RYR2: variants seen among roughly 807,000 people sequenced by gnomAD.
The protein encoded by RYR2 is cardiac muscle ryanodine receptor-calcium release channel.
Under a neutral mutation model 601.1 loss-of-function variants are expected in RYR2, and 227 were observed. The observed-to-expected ratio is 0.38, with a 90% CI of 0.34 to 0.42. The LOEUF is 0.42. RYR2 is among the 10% of genes least tolerant of loss of function. RYR2 has a pLI of 1.00. For synonymous variants in RYR2, 2,223 were observed against 2,175.1 expected (o/e 1.02, Z -0.61); for missense variants, 4,646 against 6,156.5 (o/e 0.75, Z 8.21).
At chr1:237,742,659 T>A (rs1691715990) in intron 80 of RYR2, among the ~76,000 whole-genome samples, 1 of 152,188 alleles carries the variant, frequency 6.6e-6, no homozygotes, top group Admixed American at 6.5e-5. Context: ...CCAACAGACG[T>A]GAGGAAAATA....
chr1:237,185,501 C>T (rs1679247250), intron 1 of RYR2, among the ~76,000 whole-genome samples: 1 of 152,074 alleles, frequency 6.6e-6, no homozygotes. Context: ...AGCACCTTCA[C>T]TCCTGGTCAT....
Position 237,633,667 on chromosome 1 carries a change from T to C in RYR2, c.6645T>C (p.Phe2215=). Residue 2215 remains phenylalanine, a synonymous_variant, in exon 43 of 105, where the codon TTT becomes TTC. Transcript: ENST00000366574. Reference sequence around the variant, plus strand: ...GTAGGCAGAATCAAAAAGCTATGTTTGATCATCTCAGTTATTTACTGGAAA... The same window carrying C: ...GTAGGCAGAATCAAAAAGCTATGTTCGATCATCTCAGTTATTTACTGGAAA... ...RISRQNQKAM[F]DHLSYLLENS... is the part of the protein sequence containing the mutation. 6.2e-7 allele frequency: 1 copy of C among 1,613,950 alleles called. No homozygotes were observed. Among genetic ancestry groups the C allele is most frequent in the Non-Finnish European group, 8.5e-7 (1 of 1,179,826 alleles).
chr1:237,816,290 G>A (rs944923359), intron 100 of RYR2, among the ~76,000 whole-genome samples: 1 of 152,156 alleles, frequency 6.6e-6, no homozygotes, highest in African/African-American at 2.4e-5. Context: ...CGTGGGCAAT[G>A]GGAAAGATGG....
chr1:237,424,785 G>T (rs1161629464), intron 12 of RYR2, among the ~76,000 whole-genome samples: 1 of 151,908 alleles, frequency 6.6e-6, no homozygotes, highest in Non-Finnish European at 1.5e-5. Flanking sequence ...TCTTATAATG[G>T]TGTCCTGTCA....
At position 237,596,275 on chromosome 1, in the gene RYR2, A is replaced by C. The variant is rs1432562563; in HGVS notation, c.4596+618A>C. 2.0e-5 allele frequency among the ~76,000 whole-genome samples: 3 copies of C among 152,360 alleles called. No homozygotes were observed. The East Asian group carries it at 5.8e-4, about 29-fold the overall frequency. ...TCTTAAGGGAACTCAGTGAGATACA[A>C]TAAAATGCAGATACTTCAACAAGAT... On this transcript the variant is annotated intron_variant, in intron 34 of 104. Transcript: ENST00000366574.
intron 103 of RYR2, among the ~76,000 whole-genome samples, 191 bp downstream of exon 103, chr1:237,830,821 C>T (rs1011012189): frequency 6.6e-6 from 1 of 152,196 alleles, no homozygotes; most frequent in Non-Finnish European, 1.5e-5. Flanking sequence ...TAAGTTGCAG[C>T]TCTTCATGTA....
At chr1:237,723,042 G>A in intron 73 of RYR2, 86 bp from the exon 74 acceptor site, 1 of 1,173,060 alleles carries the variant, frequency 8.5e-7, no homozygotes. Context: ...AATAAATAAT[G>A]ATGGGTGGAC....
At chr1:237,659,482 G>A (rs1325550273) in intron 54 of RYR2, among the ~76,000 whole-genome samples, 3 of 152,126 alleles carry the variant, frequency 2.0e-5, no homozygotes, top group Non-Finnish European at 4.4e-5. Context: ...GAAAGAATGG[G>A]TAAAACAGGT....
chr1:237,440,641 T>C (rs891106411), intron 12 of RYR2, among the ~76,000 whole-genome samples: 10 of 152,220 alleles, frequency 6.6e-5, no homozygotes, highest in African/African-American at 2.4e-4. Context: ...TGAATACCTC[T>C]GTAGTCTGAG....
At chr1:237,297,460 G>A (rs1371591211) in intron 2 of RYR2, among the ~76,000 whole-genome samples, 1 of 152,124 alleles carries the variant, frequency 6.6e-6, no homozygotes, top group Non-Finnish European at 1.5e-5. Context: ...AAAAGTAAAG[G>A]TGGGTATTAG....
chr1:237,830,416 A>G (rs767349653), intron 102 of RYR2, 114 bp from the exon 103 acceptor site: 5 of 701,664 alleles, frequency 7.1e-6, no homozygotes, highest in Non-Finnish European at 1.3e-5. Flanking sequence ...CCATGTGATG[A>G]TCTTTGACGT....
At chr1:237,428,003 C>G (rs892047664) in intron 12 of RYR2, among the ~76,000 whole-genome samples, 2 of 152,000 alleles carry the variant, frequency 1.3e-5, no homozygotes, top group African/African-American at 4.8e-5. Flanking sequence ...TGAAAAAAAG[C>G]TCAACATCAC....
chr1:237,196,707 A>T (rs1021179169), intron 1 of RYR2, among the ~76,000 whole-genome samples: 2 of 152,102 alleles, frequency 1.3e-5, no homozygotes, highest in African/African-American at 4.8e-5. Context: ...GATGAGAAGT[A>T]CTCTACCTTG....
chr1:237,238,867 G>GAAAAATGACGATAAAAGGTA (rs150953699), intron 1 of RYR2, among the ~76,000 whole-genome samples: 2,758 of 152,104 alleles, frequency 0.018, 83 homozygotes, highest in African/African-American at 0.063. Context: ...ATCATTTGTG[G>GAAAAATGACGATAAAAGGTA]AAAAATGACG....
intron 25 of RYR2, among the ~76,000 whole-genome samples, chr1:237,546,976 C>CATATATATATATATATATATATATATAT (rs558814390): frequency 8.2e-5 from 8 of 97,488 alleles, no homozygotes; most frequent in East Asian, 3.9e-4. Flanking sequence ...TTTTCAAAAG[C>CATATATATATATATATATATATATATAT]ATATATATAT....
chr1:237,584,487 G>C (rs1247142371), intron 29 of RYR2, among the ~76,000 whole-genome samples: 1 of 151,906 alleles, frequency 6.6e-6, no homozygotes, highest in Non-Finnish European at 1.5e-5. Context: ...TTTTGATTTT[G>C]TTCACAGCTA....
In RYR2 at chr1:237,159,458, C is replaced by T. The variant is rs375048895; in HGVS notation, c.49-111039C>T. Among the ~76,000 whole-genome samples, 5 of 152,034 alleles carry T rather than the reference C, an allele frequency of 3.3e-5. No homozygotes were observed. The South Asian group carries it at 6.2e-4, about 19-fold the overall frequency. The stretch of plus-strand genomic sequence containing the variant: ...GTTACATGTGTGTAGAAAAAGGCTC[C>T]GTATCATTACATAGATGAGAAATAC... On this transcript the variant is annotated intron_variant, in intron 1 of 104. Coordinates refer to ENST00000366574, the MANE Select transcript of RYR2 (RefSeq NM_001035.3).
At chr1:237,522,860 CA>C in intron 24 of RYR2, among the ~76,000 whole-genome samples, 1 of 152,194 alleles carries the variant, frequency 6.6e-6, no homozygotes, top group African/African-American at 2.4e-5. Context: ...TTACTGAATG[CA>C]TGTAAGGCCA....
chr1:237,269,042 C>CTT lies in RYR2; in HGVS notation c.49-1441_49-1440dup, dbSNP rs200563683. 7.8e-3 allele frequency among the ~76,000 whole-genome samples: 878 copies of CTT among 113,180 alleles called. 31 individuals are homozygous for CTT. Among genetic ancestry groups the CTT allele is most frequent in the Non-Finnish European group, 0.012 (682 of 58,266 alleles). 74.3% of individuals were successfully genotyped at this position (113,180 alleles called of 152,430 possible). ...ACCTTTCCAATTTATATAGCATATT[C>CTT]TTTTTTTTTTTTTTTGTGAGACAGA... On this transcript the variant is annotated intron_variant, in intron 1 of 104. Coordinates refer to ENST00000366574, the MANE Select transcript of RYR2 (RefSeq NM_001035.3).
Sources: allele counts gnomAD v4.1 joint callset (sites outside exome capture counted in the v4.1 genomes callset), GRCh38; gene constraint gnomAD v4.1.1; transcripts MANE v1.5; gene names NCBI Gene and HGNC (gene_info 2026-07-23, HGNC 2026-07-21).